Variants in SLC35D4 observed in about 807,000 individuals in gnomAD.
SLC35D4 encodes the protein solute carrier family 35 member D4.
At chr18:23,411,546 A>G in the SLC35D4 span, among the ~76,000 whole-genome samples, 125 of 148,874 alleles carry the variant, frequency 8.4e-4, no homozygotes, top group Non-Finnish European at 1.5e-3. Context: ...AGAAAGAAAG[A>G]AAGAAAGGTG....
chr18:23,419,330 C>A, the SLC35D4 span, among the ~76,000 whole-genome samples: 1 of 151,692 alleles, frequency 6.6e-6, no homozygotes, highest in East Asian at 1.9e-4. Flanking sequence ...TTCGCTCTTA[C>A]AACCCAGGCT....
the SLC35D4 span, among the ~76,000 whole-genome samples, chr18:23,260,752 G>A: frequency 1.3e-5 from 2 of 152,156 alleles, no homozygotes; most frequent in South Asian, 2.1e-4. Flanking sequence ...CCTCCCCGGG[G>A]CTGTTGGCAC....
At chr18:23,318,590 A>T in the SLC35D4 span, among the ~76,000 whole-genome samples, 3 of 152,198 alleles carry the variant, frequency 2.0e-5, no homozygotes, top group African/African-American at 7.2e-5. Context: ...AGAGCCATTC[A>T]TTTATTCTAT....
chr18:23,358,958 C>T, the SLC35D4 span, among the ~76,000 whole-genome samples: 121 of 152,240 alleles, frequency 7.9e-4, no homozygotes, highest in Admixed American at 1.2e-3. Context: ...TAAATACCCC[C>T]GGAAGAGGTT....
chr18:23,373,943 C>T, the SLC35D4 span, among the ~76,000 whole-genome samples: 1 of 152,222 alleles, frequency 6.6e-6, no homozygotes, highest in African/African-American at 2.4e-5. Flanking sequence ...CAATTATGTG[C>T]TCTACTCATA....
chr18:23,243,213 G>A, the SLC35D4 span, among the ~76,000 whole-genome samples: 2 of 152,130 alleles, frequency 1.3e-5, no homozygotes, highest in South Asian at 4.1e-4. Flanking sequence ...AGGTTTCAAG[G>A]TGCCTGAGGC....
At chr18:23,364,902 C>CAAAAAAA in the SLC35D4 span, among the ~76,000 whole-genome samples, 228 of 31,894 alleles carry the variant, frequency 7.1e-3, 43 homozygotes, top group Middle Eastern at 0.031. Flanking sequence ...GACTCTGTCT[C>CAAAAAAA]AAAAAAAAAA....
chr18:23,426,331 C>T, the SLC35D4 span, among the ~76,000 whole-genome samples: 1 of 152,062 alleles, frequency 6.6e-6, no homozygotes, highest in African/African-American at 2.4e-5. Flanking sequence ...AGGTTGAGCT[C>T]CTTAAAATAT....
the SLC35D4 span, among the ~76,000 whole-genome samples, chr18:23,308,253 G>A: frequency 6.6e-6 from 1 of 152,150 alleles, no homozygotes; most frequent in African/African-American, 2.4e-5. Context: ...GAAGCCCTGA[G>A]GAGACACATG....
At chr18:23,240,010 G>A in the SLC35D4 span, among the ~76,000 whole-genome samples, 1 of 152,144 alleles carries the variant, frequency 6.6e-6, no homozygotes, top group Non-Finnish European at 1.5e-5. Context: ...CCCAGCTACT[G>A]GAGAGGCTGA....
At chr18:23,325,371 G>A in the SLC35D4 span, among the ~76,000 whole-genome samples, 3 of 151,966 alleles carry the variant, frequency 2.0e-5, no homozygotes, top group Non-Finnish European at 4.4e-5. Context: ...GAAACATGAA[G>A]GAGAGGGGAA....
chr18:23,373,959 A>G, the SLC35D4 span, among the ~76,000 whole-genome samples: 2 of 152,338 alleles, frequency 1.3e-5, no homozygotes, highest in African/African-American at 4.8e-5. Context: ...TCATAAGCAG[A>G]CATTTCCTTC....
chr18:23,350,162 CTTAT>C, the SLC35D4 span, among the ~76,000 whole-genome samples: 1 of 152,200 alleles, frequency 6.6e-6, no homozygotes, highest in Non-Finnish European at 1.5e-5. Flanking sequence ...TGTTGTTTTG[CTTAT>C]TTAGTGATTT....
the SLC35D4 span, chr18:23,370,221 T>C: frequency 1.2e-6 from 2 of 1,603,326 alleles, no homozygotes; most frequent in Admixed American, 1.7e-5. Context: ...TTTACCTTAA[T>C]GCACTGGGTT....
At chr18:23,275,593 AGTGCTGTGCTGTGCT>A in the SLC35D4 span, among the ~76,000 whole-genome samples, 25,739 of 140,520 alleles carry the variant, frequency 0.18, 2,619 homozygotes, top group Middle Eastern at 0.3. Flanking sequence ...GGTCAGAAAG[AGTGCTGTGCTGTGCT>A]GTGCTGTGCT....
At chr18:23,295,455 A>G in the SLC35D4 span, among the ~76,000 whole-genome samples, 11 of 152,128 alleles carry the variant, frequency 7.2e-5, no homozygotes, top group African/African-American at 2.4e-4. Context: ...TAATAAGTGT[A>G]AGGTACCTGT....
the SLC35D4 span, among the ~76,000 whole-genome samples, chr18:23,385,660 A>G: frequency 6.6e-6 from 1 of 152,276 alleles, no homozygotes; most frequent in South Asian, 2.1e-4. Flanking sequence ...ACAGGAAGGT[A>G]GAGAGGTATT....
chr18:23,309,707 G>C, the SLC35D4 span: 2 of 1,614,018 alleles, frequency 1.2e-6, no homozygotes, highest in South Asian at 2.2e-5. Flanking sequence ...GGTCAGGATC[G>C]CATCAAACAG....
At chr18:23,384,708 T>C in the SLC35D4 span, among the ~76,000 whole-genome samples, 1 of 152,130 alleles carries the variant, frequency 6.6e-6, no homozygotes, top group Non-Finnish European at 1.5e-5. Context: ...TAGGAATGCT[T>C]CCCCAGCAGG....
Sources: gnomAD v4.1 joint callset for allele counts (sites outside exome capture counted in the v4.1 genomes callset) on GRCh38, gnomAD v4.1.1 for gene constraint, MANE v1.5 for transcripts, NCBI Gene and HGNC (gene_info 2026-07-23, HGNC 2026-07-21) for gene names.